RUVBL1: variants seen among roughly 807,000 people sequenced by gnomAD.
RUVBL1 encodes ruvB-like 1.
A neutral mutation model predicts 52.4 loss-of-function variants in RUVBL1; 4 were observed. That is an observed-to-expected ratio of 0.08 (90% CI 0.04 to 0.17). The LOEUF (loss-of-function observed/expected upper bound fraction) is 0.17. Among genes scored for constraint, RUVBL1 ranks in the 10% least tolerant of loss-of-function variants. RUVBL1 has a pLI of 1.00. For synonymous variants in RUVBL1, 217 were observed against 214.4 expected, an observed-to-expected ratio of 1.01 and a Z score of -0.10; for missense variants, 298 against 572.8, an observed-to-expected ratio of 0.52 and a Z score of 4.90.
intron 8 of RUVBL1, among the ~76,000 whole-genome samples, chr3:128,095,333 T>C (rs754749541): frequency 1.2e-4 from 19 of 152,232 alleles, no homozygotes; most frequent in Admixed American, 4.6e-4. Context: ...GCACCATCTG[T>C]CCAAGGCTGA....
At chr3:128,144,946 C>G (rs949724562) in intron 1 of RUVBL1, among the ~76,000 whole-genome samples, 2 of 152,124 alleles carry the variant, frequency 1.3e-5, no homozygotes, top group Admixed American at 6.6e-5. Context: ...GCCAAGGAGA[C>G]TTGGTTTGGG....
At position 128,113,121 on chromosome 3, in the gene RUVBL1, T is replaced by C. The variant is rs545457765; in HGVS notation, c.229-101A>G. 29 of 1,326,752 alleles carry C rather than the reference T, an allele frequency of 2.2e-5. No individual in the cohort carries two copies. In the South Asian group the frequency reaches 3.6e-4, roughly 17 times the overall value. 82.2% of individuals were successfully genotyped at this position (1,326,752 alleles called of 1,614,324 possible). ...ACCAGGAACTAGGAACAGCTGAACA[T>C]CTAGTCCTACCATTTAGCATGTTTC... On this transcript the variant is annotated intron_variant, in intron 2 of 10. Transcript: ENST00000322623.
chr3:128,072,013 G>A (rs1020679971), intron 9 of RUVBL1, among the ~76,000 whole-genome samples: 3 of 152,222 alleles, frequency 2.0e-5, no homozygotes, highest in African/African-American at 7.2e-5. Flanking sequence ...AGGAGCCTAG[G>A]GCCCCATAAC....
chr3:128,108,239 G>C (rs761318495), intron 3 of RUVBL1, among the ~76,000 whole-genome samples: 8 of 152,166 alleles, frequency 5.3e-5, no homozygotes, highest in Non-Finnish European at 1.0e-4. Flanking sequence ...TTCAAAGGCA[G>C]AGGAAGATGG....
intron 7 of RUVBL1, among the ~76,000 whole-genome samples, chr3:128,098,369 TTAAC>T (rs1441473927): frequency 2.0e-5 from 3 of 152,320 alleles, no homozygotes; most frequent in East Asian, 1.9e-4. Flanking sequence ...GCTTTAATGT[TTAAC>T]TAACATCTTA....
exon 10 of RUVBL1, chr3:128,064,856 T>A: frequency 5.7e-6 from 9 of 1,568,498 alleles, no homozygotes; most frequent in Non-Finnish European, 6.9e-6. Flanking sequence ...CCTTCATATA[T>A]GTCTCCTCCT....
intron 8 of RUVBL1, among the ~76,000 whole-genome samples, chr3:128,089,476 T>C (rs1229713432): frequency 6.6e-6 from 1 of 152,250 alleles, no homozygotes; most frequent in Non-Finnish European, 1.5e-5. Flanking sequence ...GAATTAGTCA[T>C]GTCAACTGGA....
chr3:128,065,898 C>G (rs1262271970), intron 9 of RUVBL1, among the ~76,000 whole-genome samples: 1 of 151,870 alleles, frequency 6.6e-6, no homozygotes, highest in Non-Finnish European at 1.5e-5. Context: ...CCTGTCACCA[C>G]GCCCGGCTAA....
chr3:128,135,052 T>A (rs781629796), intron 1 of RUVBL1, among the ~76,000 whole-genome samples: 7 of 152,116 alleles, frequency 4.6e-5, no homozygotes, highest in African/African-American at 7.2e-5. Flanking sequence ...ACACCAGATA[T>A]AACCCAAATA....
intron 6 of RUVBL1, among the ~76,000 whole-genome samples, chr3:128,099,740 T>C (rs1250233607): frequency 4.6e-5 from 7 of 152,198 alleles, no homozygotes; most frequent in African/African-American, 1.7e-4. Flanking sequence ...GCAGCAAATG[T>C]TTCCTGTCTG....
chr3:128,100,631 G>A lies in RUVBL1; in HGVS notation c.717C>T (p.Thr239=). Residue 239 remains threonine, a synonymous_variant, in exon 6 of 11, where the codon ACC becomes ACT. Transcript: ENST00000322623. ...HKKKEIIQDV[T]LHDLDVANAR... ...CATTAGCCACATCCAAGTCATGCAA[G>A]GTCACATCTTGGATGATTTCTTTCT... 1.2e-6 allele frequency: 2 copies of A among 1,612,648 alleles called. No individual in the cohort carries two copies. Among genetic ancestry groups the A allele is most frequent in the East Asian group, 2.2e-5 (1 of 44,772 alleles).
chr3:128,073,905 ATTCT>A (rs1308365344), intron 9 of RUVBL1, among the ~76,000 whole-genome samples: 1 of 152,256 alleles, frequency 6.6e-6, no homozygotes, highest in Non-Finnish European at 1.5e-5. Context: ...CTAGGAGGAC[ATTCT>A]TTATATGTTG....
intron 9 of RUVBL1, among the ~76,000 whole-genome samples, chr3:128,066,455 T>G (rs1394154732): frequency 6.6e-6 from 1 of 152,136 alleles, no homozygotes; most frequent in Non-Finnish European, 1.5e-5. Context: ...CAGGGTCTCG[T>G]TGTGTTGCTT....
At chr3:128,089,943 CAG>C (rs1342726850) in intron 8 of RUVBL1, among the ~76,000 whole-genome samples, 1 of 80,008 alleles carries the variant, frequency 1.2e-5, no homozygotes, top group Non-Finnish European at 2.6e-5. Context: ...AAAAAAAACA[CAG>C]AAATAAATGA....
At position 128,082,480 on chromosome 3, in the gene RUVBL1, C is replaced by T. The variant is rs1286420643; in HGVS notation, c.1211+3G>A. 5 of 1,612,682 alleles carry T rather than the reference C, an allele frequency of 3.1e-6. No homozygotes were observed. Among genetic ancestry groups the T allele is most frequent in the Non-Finnish European group, 4.2e-6 (5 of 1,179,072 alleles). On this transcript the variant is annotated splice_donor_region_variant and intron_variant, in intron 10 of 10. Coordinates refer to ENST00000322623, the MANE Select transcript of RUVBL1 (RefSeq NM_003707.3). The surrounding 1 kb of genome is among the most constrained non-coding windows in gnomAD (Gnocchi z 4.7). ...CCCCGGCGGGCCCAGGGTACCAGCT[C>T]ACCTCAGTGTGGTCTTGGTGCCAAT...
At chr3:128,116,069 G>A (rs1448192848) in intron 2 of RUVBL1, among the ~76,000 whole-genome samples, 1 of 152,076 alleles carries the variant, frequency 6.6e-6, no homozygotes, top group Non-Finnish European at 1.5e-5. Context: ...AGAGACTGCA[G>A]TGAGCCGAGA....
intron 8 of RUVBL1, among the ~76,000 whole-genome samples, chr3:128,093,195 G>A (rs1026471830): frequency 2.0e-5 from 3 of 152,108 alleles, no homozygotes; most frequent in Admixed American, 6.5e-5. Context: ...TAAGTACTAC[G>A]CATGCTACAG....
intron 1 of RUVBL1, chr3:128,141,803 C>A (rs1349137146): frequency 6.6e-6 from 1 of 152,246 alleles, no homozygotes; most frequent in African/African-American, 2.4e-5. Context: ...GCTTTCTTTT[C>A]TTAATAGTTG....
intron 9 of RUVBL1, among the ~76,000 whole-genome samples, chr3:128,086,007 C>G (rs1244775619): frequency 1.3e-5 from 2 of 152,182 alleles, no homozygotes. Context: ...TCGCAGTGTC[C>G]TCATCTGTCT....
Sources: gnomAD v4.1 joint callset for allele counts (sites outside exome capture counted in the v4.1 genomes callset) on GRCh38, gnomAD v4.1.1 for gene constraint, Gnocchi (gnomAD v3.1) non-coding constraint, MANE v1.5 for transcripts, NCBI Gene and HGNC (gene_info 2026-07-23, HGNC 2026-07-21) for gene names.